HMCN1: variants seen among roughly 807,000 people sequenced by gnomAD.
HMCN1 encodes the protein hemicentin-1.
A neutral mutation model predicts 625.9 loss-of-function variants in HMCN1; 321 were observed. That is an observed-to-expected ratio of 0.51 (90% CI 0.47 to 0.56). The LOEUF (loss-of-function observed/expected upper bound fraction) is 0.56, where lower values mean the gene tolerates loss of function less well. Among genes scored for constraint, HMCN1 ranks in the 20% least tolerant of loss-of-function variants. The pLI is 0.00. For missense variants in HMCN1, 6,588 were observed against 6,887.3 expected (o/e 0.96, Z 1.54); for synonymous variants, 2,425 against 2,417.6 (o/e 1.00, Z -0.09).
chr1:186,182,606 G>A (rs1200227940), intron 105 of HMCN1, among the ~76,000 whole-genome samples: 1 of 152,106 alleles, frequency 6.6e-6, no homozygotes, highest in African/African-American at 2.4e-5. Flanking sequence ...CCACTAAAAT[G>A]GAAGTGAAAA....
chr1:186,179,763 A>AC, intron 104 of HMCN1, among the ~76,000 whole-genome samples: 1 of 151,534 alleles, frequency 6.6e-6, no homozygotes, highest in Non-Finnish European at 1.5e-5. Context: ...TCTATCTTCA[A>AC]TTTTTTTTGT....
chr1:185,845,285 T>A (rs758319471), intron 1 of HMCN1, among the ~76,000 whole-genome samples: 1 of 152,180 alleles, frequency 6.6e-6, no homozygotes, highest in Non-Finnish European at 1.5e-5. Flanking sequence ...TGGCATGAAC[T>A]CGGCTCACTG....
chr1:186,043,032 T>C (rs1409137842), intron 40 of HMCN1, among the ~76,000 whole-genome samples: 1 of 152,108 alleles, frequency 6.6e-6, no homozygotes, highest in Non-Finnish European at 1.5e-5. Flanking sequence ...AACAAGAGAA[T>C]TGAGTTTTTA....
chr1:185,932,412 A>G (rs1667595501), intron 10 of HMCN1, among the ~76,000 whole-genome samples: 1 of 152,194 alleles, frequency 6.6e-6, no homozygotes, highest in African/African-American at 2.4e-5. Flanking sequence ...GCACAGGGAT[A>G]AAGTTTGATC....
At chr1:185,963,506 T>C (rs1428648930) in intron 12 of HMCN1, among the ~76,000 whole-genome samples, 2 of 151,306 alleles carry the variant, frequency 1.3e-5, no homozygotes, top group Non-Finnish European at 2.9e-5. Flanking sequence ...ATTTAACTCA[T>C]TAGGGTGAGG....
At chr1:185,960,231 C>CA (rs1225240079) in intron 11 of HMCN1, among the ~76,000 whole-genome samples, 2 of 149,972 alleles carry the variant, frequency 1.3e-5, no homozygotes, top group African/African-American at 4.9e-5. Flanking sequence ...CAGGTTCAAG[C>CA]AATTCTCCTG....
At chr1:186,081,442 A>C (rs566797632) in intron 56 of HMCN1, 48 bp downstream of exon 56, 2 of 1,335,828 alleles carry the variant, frequency 1.5e-6, no homozygotes, top group South Asian at 2.4e-5. Context: ...TTGACTTTGC[A>C]CTTTGTAATA....
intron 11 of HMCN1, among the ~76,000 whole-genome samples, chr1:185,951,966 A>G (rs993503198): frequency 2.6e-5 from 4 of 151,712 alleles, no homozygotes; most frequent in Non-Finnish European, 5.9e-5. Context: ...TAATTTTTGG[A>G]GTTTTATTTA....
At chr1:186,172,817 C>G (rs750469621) in intron 102 of HMCN1, among the ~76,000 whole-genome samples, 4 of 152,038 alleles carry the variant, frequency 2.6e-5, no homozygotes, top group Non-Finnish European at 5.9e-5. Flanking sequence ...CCCCCTCCCC[C>G]CAAAAAAGCA....
In HMCN1 at chr1:186,016,981, G is replaced by T. The variant is rs1654409128; in HGVS notation, c.5210G>T (p.Gly1737Val). ...VDVLVPPAIE[G>V]GDETSYFIVM... ...TTTCTAGTGCCACCAGCTATAGAAGGAGGAGATGAAACATCTTACTTCATT... is the reference window on the plus strand; with the variant it reads ...TTTCTAGTGCCACCAGCTATAGAAGTAGGAGATGAAACATCTTACTTCATT... Residue 1737 changes from glycine to valine, a missense_variant, in exon 33 of 107, where the codon GGA (glycine) becomes GTA (valine). By Grantham distance (109) the Gly-to-Val change is moderately radical. This residue lies in a region of HMCN1 where 4,628 missense variants were observed against 4,853.1 expected (regional missense o/e 0.95). Transcript: ENST00000271588. 1 of 1,600,358 alleles carries T rather than the reference G, an allele frequency of 6.2e-7. No individual in the cohort carries two copies. The highest frequency in any genetic ancestry group is 2.2e-5 in the East Asian group (1 of 44,716).
chr1:185,856,223 T>A (rs1662453280), intron 2 of HMCN1, among the ~76,000 whole-genome samples: 2 of 152,166 alleles, frequency 1.3e-5, no homozygotes, highest in Admixed American at 6.5e-5. Context: ...GCGTGGTGGC[T>A]CACGCCTGTA....
chr1:185,994,851 A>C lies in HMCN1; in HGVS notation c.3542A>C (p.Lys1181Thr). 6.2e-7 allele frequency: 1 copy of C among 1,613,644 alleles called. No homozygotes were observed. The highest frequency in any genetic ancestry group is 1.1e-5 in the South Asian group (1 of 91,084). Residue 1181 changes from lysine (K) to threonine (T), a missense_variant, in exon 24 of 107, where the codon AAA (lysine) becomes ACA (threonine). Coordinates refer to ENST00000271588, the MANE Select transcript of HMCN1 (RefSeq NM_031935.3). Reference sequence around the variant, plus strand: ...ATACAGCGTGGACCTAAACATCTCAAAGTCCAAGTTGGTCAAAGAGTGGAT... The same window carrying C: ...ATACAGCGTGGACCTAAACATCTCACAGTCCAAGTTGGTCAAAGAGTGGAT... ...PKIQRGPKHL[K>T]VQVGQRVDIP...
At chr1:185,759,562 A>G (rs1451388065) in intron 1 of HMCN1, among the ~76,000 whole-genome samples, 1 of 152,188 alleles carries the variant, frequency 6.6e-6, no homozygotes. Context: ...TTGGAAAGCT[A>G]TGTGCTTATT....
chr1:185,892,504 T>G (rs1026745677), intron 4 of HMCN1, among the ~76,000 whole-genome samples: 3 of 151,970 alleles, frequency 2.0e-5, no homozygotes, highest in African/African-American at 7.3e-5. Flanking sequence ...GGATGTCCTT[T>G]CTGTCTGTTA....
At position 186,038,847 on chromosome 1, in the gene HMCN1, A is replaced by G. The variant is rs1330097196; in HGVS notation, c.5870A>G (p.Asp1957Gly). Residue 1957 changes from aspartate (D) to glycine (G), a missense_variant, in exon 38 of 107, where the codon GAT (aspartate) becomes GGT (glycine). Transcript: ENST00000271588. ...NPVPVITWYK[D>G]NRLLSGSTSM... The stretch of plus-strand genomic sequence containing the variant: ...CTTTCAGTTATTACATGGTACAAAG[A>G]TAATCGTCTACTCTCAGGTTCCACC... The G allele has an allele frequency of 4.4e-6, 7 of 1,603,468 alleles. No individual in the cohort carries two copies. The highest frequency in any genetic ancestry group is 6.0e-6 in the Non-Finnish European group (7 of 1,170,576).
chr1:185,896,984 T>C (rs1665528155), intron 4 of HMCN1, among the ~76,000 whole-genome samples: 1 of 152,204 alleles, frequency 6.6e-6, no homozygotes, highest in Non-Finnish European at 1.5e-5. Context: ...TTTTTTAAGG[T>C]GATGCCTCTT....
chr1:185,907,276 A>C (rs890081348), intron 4 of HMCN1, among the ~76,000 whole-genome samples: 1 of 151,982 alleles, frequency 6.6e-6, no homozygotes, highest in African/African-American at 2.4e-5. Context: ...TTATGGGGCA[A>C]TTAGTTGTAT....
chr1:186,063,851 A>T (rs2102320083), intron 48 of HMCN1, among the ~76,000 whole-genome samples: 1 of 152,326 alleles, frequency 6.6e-6, no homozygotes, highest in Non-Finnish European at 1.5e-5. Context: ...GATTTCTTGC[A>T]TATAATCAAA....
At chr1:186,157,284 ATTT>A (rs1558266689) in intron 97 of HMCN1, among the ~76,000 whole-genome samples, 1 of 152,192 alleles carries the variant, frequency 6.6e-6, no homozygotes, top group Non-Finnish European at 1.5e-5. Flanking sequence ...ATAAGCAAAT[ATTT>A]TTTATTGCCT....
Sources: gnomAD v4.1 joint callset for allele counts (sites outside exome capture counted in the v4.1 genomes callset) on GRCh38, gnomAD v4.1.1 for gene constraint, gnomAD v4.1.1 regional missense constraint, MANE v1.5 for transcripts, NCBI Gene and HGNC (gene_info 2026-07-23, HGNC 2026-07-21) for gene names.